SEPTIN14: variants seen among roughly 807,000 people sequenced by gnomAD.
SEPTIN14 encodes the protein septin 14.
SEPTIN14 carries 40 observed loss-of-function variants against 53.6 expected under a neutral mutation model. The observed-to-expected ratio is 0.75, with a 90% CI of 0.58 to 0.97. The LOEUF (loss-of-function observed/expected upper bound fraction) is 0.97, where lower values mean the gene tolerates loss of function less well. Ranked by LOEUF, SEPTIN14 falls within the 50% of genes least tolerant of loss-of-function variation. SEPTIN14 has a pLI of 0.00. For missense variants in SEPTIN14, 471 were observed against 508.2 expected (o/e 0.93, Z 0.70); for synonymous variants, 138 against 166.8 (o/e 0.83, Z 1.33).
intron 9 of SEPTIN14, among the ~76,000 whole-genome samples, chr7:55,803,609 A>G (rs774320987): frequency 6.6e-6 from 1 of 152,206 alleles, no homozygotes; most frequent in Non-Finnish European, 1.5e-5. Flanking sequence ...AGATATCTAC[A>G]CTTTCATGTT....
intron 5 of SEPTIN14, among the ~76,000 whole-genome samples, chr7:55,842,296 A>C (rs1234791120): frequency 6.6e-6 from 1 of 152,056 alleles, no homozygotes; most frequent in Non-Finnish European, 1.5e-5. Context: ...TATTATCTCA[A>C]AATTAATATT....
chr7:55,810,787 T>G, intron 7 of SEPTIN14: 1 of 202,124 alleles, frequency 4.9e-6, no homozygotes, highest in Non-Finnish European at 1.0e-5. Context: ...CAGCTTTTGT[T>G]ATAAATCCGC....
At chr7:55,844,890 G>A (rs1418962644) in intron 3 of SEPTIN14, among the ~76,000 whole-genome samples, 172 bp from the exon 4 acceptor site, 1 of 149,312 alleles carries the variant, frequency 6.7e-6, no homozygotes, top group Non-Finnish European at 1.5e-5. Context: ...AGGTGGAGTA[G>A]TTGGTCAAAG....
chr7:55,859,993 A>G (rs1562723068), intron 2 of SEPTIN14, among the ~76,000 whole-genome samples: 1 of 152,122 alleles, frequency 6.6e-6, no homozygotes. Flanking sequence ...CAACCTGGCC[A>G]ATATGTTGAA....
At chr7:55,841,963 A>G (rs189313967) in intron 5 of SEPTIN14, among the ~76,000 whole-genome samples, 6 of 152,078 alleles carry the variant, frequency 3.9e-5, no homozygotes, top group African/African-American at 1.4e-4. Context: ...TGAACCCAGG[A>G]GGCAGAGGTT....
chr7:55,828,355 A>T (rs997579887), intron 6 of SEPTIN14, among the ~76,000 whole-genome samples: 4 of 143,978 alleles, frequency 2.8e-5, no homozygotes, highest in African/African-American at 1.1e-4. Context: ...CCCAGGCTGC[A>T]GTGCAGTGGC....
rs540973322 is a variant in SEPTIN14, at chr7:55,853,292, A to T, written c.55-6655T>A. Among the ~76,000 whole-genome samples the T allele has an allele frequency of 1.2e-4, 19 of 152,362 alleles. No individual in the cohort carries two copies. In the South Asian group the frequency reaches 3.3e-3, roughly 27 times the overall value. ...GGAAGCAACCTAAGTGTCCATCAACAGATGAATGGACCAAGAAAATGTGGT... is the reference window on the plus strand; with the variant it reads ...GGAAGCAACCTAAGTGTCCATCAACTGATGAATGGACCAAGAAAATGTGGT... On this transcript the variant is annotated intron_variant, in intron 2 of 9. Coordinates refer to ENST00000388975, the MANE Select transcript of SEPTIN14 (RefSeq NM_207366.3).
At chr7:55,805,448 C>T (rs1584251583) in intron 8 of SEPTIN14, 58 bp from the exon 9 acceptor site, 9 of 1,351,286 alleles carry the variant, frequency 6.7e-6, no homozygotes, top group East Asian at 5.2e-5. Flanking sequence ...ATCGCTTGAA[C>T]CCAGGAGGCG....
intron 3 of SEPTIN14, among the ~76,000 whole-genome samples, chr7:55,845,761 C>G (rs1789390177): frequency 6.6e-6 from 1 of 151,640 alleles, no homozygotes; most frequent in Non-Finnish European, 1.5e-5. Flanking sequence ...TGAAAATATA[C>G]ATGCTAGGCC....
Position 55,844,610 on chromosome 7 carries a change from G to T in SEPTIN14, c.284C>A (p.Thr95Lys). Reference sequence around the variant, plus strand: ...AACATTGCTTTCCTGAAGTTCATATGTCTGAATTTGAAGTCCAACATTTGA... The same window carrying T: ...AACATTGCTTTCCTGAAGTTCATATTTCTGAATTTGAAGTCCAACATTTGA... ...FYSNVGLQIQTYELQESNVQL... is the reference protein window; with the variant it reads ...FYSNVGLQIQKYELQESNVQL... Residue 95 changes from threonine to lysine, a missense_variant, in exon 4 of 10, where the codon ACA becomes AAA. Thr to Lys is a moderately conservative substitution (Grantham distance 78). Transcript: ENST00000388975. 6.2e-7 allele frequency: 1 copy of T among 1,609,622 alleles called. No individual in the cohort carries two copies. Among genetic ancestry groups the T allele is most frequent in the Non-Finnish European group, 8.5e-7 (1 of 1,176,404 alleles).
rs192221490 is a variant in SEPTIN14, at chr7:55,795,898, T to C, written c.*15A>G. 112 of 1,569,646 alleles carry C rather than the reference T, an allele frequency of 7.1e-5. No homozygotes were observed. The African/African-American group carries it at 1.2e-3, about 16-fold the overall frequency. ...ATGTAGAATGATAGGGCTCTCAGAATAGTAAGAGAAACTATTATTTCTTAC... is the reference window on the plus strand; with the variant it reads ...ATGTAGAATGATAGGGCTCTCAGAACAGTAAGAGAAACTATTATTTCTTAC... On this transcript the variant is annotated 3_prime_UTR_variant, in exon 10 of 10. Coordinates refer to ENST00000388975, the MANE Select transcript of SEPTIN14 (RefSeq NM_207366.3).
At chr7:55,855,376 A>C (rs1789602257) in intron 2 of SEPTIN14, among the ~76,000 whole-genome samples, 2 of 152,116 alleles carry the variant, frequency 1.3e-5, no homozygotes, top group Admixed American at 1.3e-4. Flanking sequence ...CCAGAATCGA[A>C]GGAGAGACAG....
chr7:55,832,312 G>T (rs1423211562), intron 6 of SEPTIN14, among the ~76,000 whole-genome samples: 6 of 151,848 alleles, frequency 4.0e-5, no homozygotes, highest in African/African-American at 1.5e-4. Flanking sequence ...ATTCACTGTT[G>T]GTGGGACCAT....
chr7:55,828,546 C>T (rs1447828253), intron 6 of SEPTIN14, among the ~76,000 whole-genome samples: 5 of 152,054 alleles, frequency 3.3e-5, no homozygotes, highest in South Asian at 2.1e-4. Context: ...CCTCGTGATC[C>T]GCCCATCTCG....
chr7:55,834,895 C>T (rs1257605930), intron 5 of SEPTIN14, among the ~76,000 whole-genome samples: 6 of 151,936 alleles, frequency 3.9e-5, no homozygotes, highest in East Asian at 3.9e-4. Flanking sequence ...TCCGCCTGCC[C>T]CGGCCTCCCA....
intron 2 of SEPTIN14, among the ~76,000 whole-genome samples, chr7:55,858,272 G>C (rs1401425469): frequency 6.6e-6 from 1 of 152,228 alleles, no homozygotes; most frequent in Non-Finnish European, 1.5e-5. Flanking sequence ...GGGGCCCAGA[G>C]GGAGAGTGTT....
chr7:55,803,849 G>A (rs536683238), intron 9 of SEPTIN14, among the ~76,000 whole-genome samples: 15 of 151,952 alleles, frequency 9.9e-5, no homozygotes, highest in African/African-American at 2.9e-4. Flanking sequence ...ATGAGGCCAG[G>A]CGCGATGGCT....
intron 7 of SEPTIN14, among the ~76,000 whole-genome samples, chr7:55,815,545 AG>A (rs1216284258): frequency 6.6e-6 from 1 of 152,178 alleles, no homozygotes; most frequent in Non-Finnish European, 1.5e-5. Flanking sequence ...ACATGTGTGA[AG>A]TAACTGCTCA....
intron 6 of SEPTIN14, among the ~76,000 whole-genome samples, chr7:55,819,969 T>A (rs10277006): frequency 0.99 from 150,317 of 152,300 alleles, 74,181 homozygotes; most frequent in Middle Eastern, 1. Context: ...TATAAAATAC[T>A]TTAATAAGCA....
Sources: allele counts gnomAD v4.1 joint callset (sites outside exome capture counted in the v4.1 genomes callset), GRCh38; gene constraint gnomAD v4.1.1; transcripts MANE v1.5; gene names NCBI Gene and HGNC (gene_info 2026-07-23, HGNC 2026-07-21).